The following EML6 variants were observed in gnomAD, a reference collection of about 807,000 sequenced individuals.
EML6 encodes EMAP like 6.
In EML6, 154 loss-of-function variants were observed where a neutral mutation model predicts 240.1. The ratio of observed to expected loss-of-function variants is 0.64; its 90% CI spans 0.56 to 0.73. The LOEUF (loss-of-function observed/expected upper bound fraction) is 0.73. Ranked by LOEUF, EML6 falls within the 30% of genes least tolerant of loss-of-function variation. The pLI is 0.00. For synonymous variants in EML6, 1,148 were observed against 899.0 expected (o/e 1.28, Z -4.95); for missense variants, 2,964 against 2,474.6 (o/e 1.20, Z -4.20).
intron 2 of EML6, among the ~76,000 whole-genome samples, chr2:54,762,239 C>T (rs1332387414): frequency 1.3e-5 from 2 of 152,136 alleles, no homozygotes; most frequent in African/African-American, 4.8e-5. Context: ...TTGGGTTTAT[C>T]TGATGTTTCC....
At chr2:54,953,666 C>T (rs1314002645) in intron 31 of EML6, among the ~76,000 whole-genome samples, 3 of 152,072 alleles carry the variant, frequency 2.0e-5, no homozygotes, top group Admixed American at 1.3e-4. Context: ...GCGGGCGGAT[C>T]ACCTGAGGTC....
intron 16 of EML6, 136 bp from the exon 17 acceptor site, chr2:54,879,406 ATCAAG>A (rs1671699149): frequency 1.6e-6 from 1 of 636,852 alleles, no homozygotes; most frequent in South Asian, 1.9e-5. Flanking sequence ...ACATTGTATA[ATCAAG>A]TCAGGGCAGC....
At chr2:54,871,718 C>A (rs529011929) in intron 16 of EML6, 113 bp downstream of exon 16, 1 of 749,612 alleles carries the variant, frequency 1.3e-6, no homozygotes, top group South Asian at 1.6e-5. Context: ...CATGCTCCCA[C>A]TTAGTCGTTC....
chr2:54,781,892 C>T (rs1668872154), intron 2 of EML6, among the ~76,000 whole-genome samples: 1 of 152,160 alleles, frequency 6.6e-6, no homozygotes, highest in Non-Finnish European at 1.5e-5. Flanking sequence ...TGGTCTTGAA[C>T]TCCTGGACTC....
chr2:54,872,308 A>G (rs1036384057), intron 16 of EML6, among the ~76,000 whole-genome samples: 1 of 152,230 alleles, frequency 6.6e-6, no homozygotes, highest in Non-Finnish European at 1.5e-5. Flanking sequence ...CAATAGAAAA[A>G]GAATTCTAAA....
intron 2 of EML6, among the ~76,000 whole-genome samples, chr2:54,812,572 C>T (rs1353179372): frequency 6.6e-6 from 1 of 151,824 alleles, no homozygotes; most frequent in African/African-American, 2.4e-5. Context: ...CGGCTACTGA[C>T]TCCTTAAAAT....
chr2:54,770,732 G>T (rs940033085), intron 2 of EML6, among the ~76,000 whole-genome samples: 1 of 152,154 alleles, frequency 6.6e-6, no homozygotes, highest in African/African-American at 2.4e-5. Flanking sequence ...AGTTGATACA[G>T]TTGATCGTTC....
At chr2:54,905,165 A>G (rs1222674404) in intron 24 of EML6, among the ~76,000 whole-genome samples, 1 of 152,078 alleles carries the variant, frequency 6.6e-6, no homozygotes, top group African/African-American at 2.4e-5. Context: ...CTGTGACTTT[A>G]TCTAGGAACT....
At chr2:54,921,406 A>G (rs528350209) in intron 26 of EML6, among the ~76,000 whole-genome samples, 64 of 152,280 alleles carry the variant, frequency 4.2e-4, no homozygotes, top group African/African-American at 7.2e-4. Context: ...TCTGTAAGAC[A>G]CTCATGAAAT....
intron 2 of EML6, among the ~76,000 whole-genome samples, chr2:54,747,727 A>G (rs1683978335): frequency 6.6e-6 from 1 of 152,214 alleles, no homozygotes; most frequent in Non-Finnish European, 1.5e-5. Flanking sequence ...AGCAAAAATT[A>G]CTGTACTAAT....
chr2:54,937,933 C>A (rs546995016), intron 28 of EML6, among the ~76,000 whole-genome samples: 1 of 152,144 alleles, frequency 6.6e-6, no homozygotes, highest in African/African-American at 2.4e-5. Flanking sequence ...TTTCCTCTTA[C>A]GTATAAAACC....
chr2:54,829,329 T>C lies in EML6; in HGVS notation c.712-13T>C. The C allele has an allele frequency of 6.4e-7, 1 of 1,551,172 alleles. No individual in the cohort carries two copies. The highest frequency in any genetic ancestry group is 1.2e-5 in the South Asian group (1 of 83,976). On this transcript the variant is annotated splice_polypyrimidine_tract_variant and intron_variant, in intron 6 of 41. Coordinates refer to ENST00000356458, the MANE Select transcript of EML6 (RefSeq NM_001039753.4). ...TGGTTGCACCATTGAGTATTACCTG[T>C]TTTAATCAACAGGCTGGAATCTTTA...
At chr2:54,960,373 A>AG in intron 35 of EML6, 39 bp downstream of exon 35, 1 of 1,471,624 alleles carries the variant, frequency 6.8e-7, no homozygotes. Flanking sequence ...GGGCCAGGGA[A>AG]GGGGGAAGTG....
chr2:54,741,738 C>T (rs78022910), intron 2 of EML6, among the ~76,000 whole-genome samples: 8,977 of 152,116 alleles, frequency 0.059, 296 homozygotes, highest in Middle Eastern at 0.13. Context: ...CTTCCATTGG[C>T]GACATCTGGG....
At position 54,888,320 on chromosome 2, in the gene EML6, TG is replaced by T. The variant is rs577850640; in HGVS notation, c.2439-2732del. On this transcript the variant is annotated intron_variant, in intron 17 of 41. Coordinates refer to ENST00000356458, the MANE Select transcript of EML6 (RefSeq NM_001039753.4). ...GGGCCAAGCACTAAGGTTCCACCCATGGTTGCATGCTTGGTTCATCTGGGCA... is the reference window on the plus strand; with the variant it reads ...GGGCCAAGCACTAAGGTTCCACCCATGTTGCATGCTTGGTTCATCTGGGCA... 1.8e-4 allele frequency among the ~76,000 whole-genome samples: 28 copies of T among 152,324 alleles called. No homozygotes were observed. In the East Asian group the frequency reaches 5.4e-3, roughly 29 times the overall value.
At chr2:54,940,163 T>G (rs1675356329) in intron 28 of EML6, among the ~76,000 whole-genome samples, 4 of 152,172 alleles carry the variant, frequency 2.6e-5, no homozygotes, top group Admixed American at 2.6e-4. Flanking sequence ...ACCTCAAAAT[T>G]CCACTGTAGT....
intron 2 of EML6, among the ~76,000 whole-genome samples, chr2:54,758,344 T>C (rs941320634): frequency 6.6e-6 from 1 of 152,182 alleles, no homozygotes; most frequent in Non-Finnish European, 1.5e-5. Flanking sequence ...CTGTATGTCC[T>C]GGTTGTGGAG....
At chr2:54,773,775 C>T (rs1463576202) in intron 2 of EML6, among the ~76,000 whole-genome samples, 27 of 152,210 alleles carry the variant, frequency 1.8e-4, no homozygotes. Context: ...ATATCTGTTT[C>T]TTCTGTGCTC....
At chr2:54,796,007 C>G (rs1019603764) in intron 2 of EML6, among the ~76,000 whole-genome samples, 10 of 152,148 alleles carry the variant, frequency 6.6e-5, no homozygotes, top group Admixed American at 2.6e-4. Flanking sequence ...CTTTCATCAT[C>G]TAAATCTCAA....
Sources: allele counts gnomAD v4.1 joint callset (sites outside exome capture counted in the v4.1 genomes callset), GRCh38; gene constraint gnomAD v4.1.1; transcripts MANE v1.5; gene names NCBI Gene and HGNC (gene_info 2026-07-23, HGNC 2026-07-21).